Variants in PHRF1 observed in about 807,000 individuals in gnomAD.
The protein encoded by PHRF1 is PHD and ring finger domains 1, also known as PHD and RING finger domain-containing protein 1.
Under a neutral mutation model 128.9 loss-of-function variants are expected in PHRF1, and 53 were observed. That is an observed-to-expected ratio of 0.41 (90% CI 0.33 to 0.52). The LOEUF (loss-of-function observed/expected upper bound fraction) is 0.52. Ranked by LOEUF, PHRF1 falls within the 20% of genes least tolerant of loss-of-function variation. The pLI, the probability that PHRF1 is intolerant of heterozygous loss-of-function variation, is 0.21. For missense variants in PHRF1, 2,503 were observed against 2,284.5 expected, an observed-to-expected ratio of 1.10 and a Z score of -1.95; for synonymous variants, 1,178 against 980.6, an observed-to-expected ratio of 1.20 and a Z score of -3.76.
chr11:610,349 T>C lies in PHRF1; in HGVS notation c.4416+2T>C, dbSNP rs1207312726. On this transcript the variant is annotated splice_donor_variant, in intron 15 of 17. Coordinates refer to ENST00000264555, the MANE Select transcript of PHRF1 (RefSeq NM_001286581.2). LOFTEE classifies it high-confidence loss of function. ...TTCCCAGACACAGACCCCTCTCAGG[T>C]GGGTGTCTGGGCTGGAGGGCTGTGG... 1 of 1,558,464 alleles carries C rather than the reference T, an allele frequency of 6.4e-7. No individual in the cohort carries two copies. Among genetic ancestry groups the C allele is most frequent in the Non-Finnish European group, 8.7e-7 (1 of 1,151,098 alleles).
At chr11:587,919 C>T (rs538005508) in intron 4 of PHRF1, among the ~76,000 whole-genome samples, 3 of 152,284 alleles carry the variant, frequency 2.0e-5, no homozygotes, top group African/African-American at 4.8e-5. Context: ...ATAGAGTTTA[C>T]CGTAAACGTG....
At chr11:591,695 G>A (rs1007955211) in intron 5 of PHRF1, among the ~76,000 whole-genome samples, 1 of 152,122 alleles carries the variant, frequency 6.6e-6, no homozygotes, top group South Asian at 2.1e-4. Flanking sequence ...ATATCCCTTC[G>A]ACCCCACCCC....
chr11:610,827 C>T (rs905493961), intron 16 of PHRF1, 66 bp downstream of exon 16: 47 of 1,585,714 alleles, frequency 3.0e-5, no homozygotes, highest in Non-Finnish European at 3.9e-5. Flanking sequence ...GTTGTTGGGG[C>T]TGAGTTTATG....
At chr11:589,034 G>C in intron 4 of PHRF1, among the ~76,000 whole-genome samples, 1 of 151,956 alleles carries the variant, frequency 6.6e-6, no homozygotes, top group Non-Finnish European at 1.5e-5. Context: ...TACTCGGGAG[G>C]CTGAGGCAGG....
intron 5 of PHRF1, among the ~76,000 whole-genome samples, chr11:592,214 C>CTTTT (rs752462346): frequency 2.2e-5 from 3 of 138,652 alleles, no homozygotes. Flanking sequence ...CGTGCCCAGC[C>CTTTT]TTTTTTTTTT....
Position 597,661 on chromosome 11 carries a change from A to T in PHRF1, c.894+91A>T. On this transcript the variant is annotated intron_variant, in intron 8 of 17. Transcript: ENST00000264555. This position sits in a 1 kb window ranked among gnomAD's most constrained non-coding sequence, Gnocchi z 6.5. ...GGTGGGTGGGAGGGGCGTCGTCGGC[A>T]CTGTGGGGTCCGCCCGGCCCCGGTG... is the stretch of plus-strand genomic sequence containing the variant. 6.8e-7 allele frequency: 1 copy of T among 1,461,818 alleles called. No individual in the cohort carries two copies. The highest frequency in any genetic ancestry group is 1.3e-5 in the South Asian group (1 of 77,156). The allele number at this position is 1,461,818 out of a possible 1,614,324, so 90.6% of individuals were successfully genotyped here.
Position 601,587 on chromosome 11 carries a change from A to G in PHRF1, c.1038A>G (p.Lys346=). The G allele has an allele frequency of 6.2e-7, 1 of 1,613,804 alleles. No homozygotes were observed. Among genetic ancestry groups the G allele is most frequent in the South Asian group, 1.1e-5 (1 of 91,082 alleles). Residue 346 remains lysine, a synonymous_variant, in exon 10 of 18, where the codon AAA becomes AAG. Transcript: ENST00000264555. ...TCTTTTCCTTAGGAAGACGGAAGAA[A>G]GTGCCGGGAAGAAAGAAAACCCCGT... ...RRKRKTRRRK[K]VPGRKKTPSG... is the part of the protein sequence containing the mutation.
intron 9 of PHRF1, 147 bp downstream of exon 9, chr11:598,649 C>T (rs753229795): frequency 6.6e-5 from 85 of 1,291,694 alleles, no homozygotes; most frequent in Non-Finnish European, 6.4e-5. Flanking sequence ...ACACAGAAGC[C>T]GCGCCGGGCC....
At chr11:583,360 C>T (rs930401415) in intron 3 of PHRF1, among the ~76,000 whole-genome samples, 7 of 151,168 alleles carry the variant, frequency 4.6e-5, no homozygotes, top group African/African-American at 1.5e-4. Flanking sequence ...AAAAAAACCC[C>T]ACCAAAATTA....
At position 581,954 on chromosome 11, in the gene PHRF1, G is replaced by A; in HGVS notation, c.95-8G>A. The A allele has an allele frequency of 6.3e-7, 1 of 1,586,962 alleles. No individual in the cohort carries two copies. The highest frequency in any genetic ancestry group is 8.6e-7 in the Non-Finnish European group (1 of 1,167,522). ...GCCCTGCGGCCTGTGTCTCACCCTG[G>A]TGTCTAGAAGAAAGCAGCGTGGGCA... On this transcript the variant is annotated splice_region_variant and splice_polypyrimidine_tract_variant and intron_variant, in intron 2 of 17. Transcript: ENST00000264555.
chr11:591,745 G>C (rs933651547), intron 5 of PHRF1, among the ~76,000 whole-genome samples: 3 of 152,110 alleles, frequency 2.0e-5, no homozygotes, highest in Non-Finnish European at 4.4e-5. Context: ...TGGCCCGTCT[G>C]CTCGGAGCTC....
At chr11:598,258 G>A in intron 8 of PHRF1, 115 bp from the exon 9 acceptor site, 1 of 1,362,952 alleles carries the variant, frequency 7.3e-7, no homozygotes, top group Non-Finnish European at 9.6e-7. Context: ...GGGTGGGGAG[G>A]CTGTCCTGCT....
chr11:603,332 T>C (rs1855751129), intron 10 of PHRF1, among the ~76,000 whole-genome samples: 1 of 152,112 alleles, frequency 6.6e-6, no homozygotes, highest in Non-Finnish European at 1.5e-5. Flanking sequence ...TGTTTGTTTG[T>C]TTGTTTTAGG....
chr11:578,847 G>T (rs917313918), intron 1 of PHRF1, among the ~76,000 whole-genome samples: 1 of 152,052 alleles, frequency 6.6e-6, no homozygotes, highest in East Asian at 1.9e-4. Context: ...CACCACGCCC[G>T]GCTGATTCAC....
intron 13 of PHRF1, 146 bp downstream of exon 13, chr11:606,742 C>G: frequency 8.2e-7 from 1 of 1,223,560 alleles, no homozygotes. Context: ...CATTGATTTC[C>G]CTTCTTGAGC....
chr11:587,580 C>T, intron 4 of PHRF1, 116 bp downstream of exon 4: 4 of 1,039,662 alleles, frequency 3.8e-6, no homozygotes, highest in Non-Finnish European at 5.7e-6. Context: ...TGCGGCTGAC[C>T]CTGGGGCCAC....
intron 3 of PHRF1, among the ~76,000 whole-genome samples, chr11:585,582 T>TCAACTC (rs1564841179): frequency 7.8e-6 from 1 of 127,556 alleles, no homozygotes; most frequent in Non-Finnish European, 1.6e-5. Context: ...TAGTAGCCCT[T>TCAACTC]TCCAGCTTGA....
At chr11:600,512 A>ATATATG (rs1855568801) in intron 9 of PHRF1, among the ~76,000 whole-genome samples, 16 of 144,514 alleles carry the variant, frequency 1.1e-4, no homozygotes, top group African/African-American at 4.2e-4. Flanking sequence ...ATATATATAT[A>ATATATG]TATATATGGT....
At position 586,186 on chromosome 11, in the gene PHRF1, G is replaced by T. The variant is rs532279067; in HGVS notation, c.215-1073G>T. Among the ~76,000 whole-genome samples the T allele has an allele frequency of 2.8e-4, 43 of 151,984 alleles. No homozygotes were observed. The South Asian group carries it at 8.5e-3, about 30-fold the overall frequency. On this transcript the variant is annotated intron_variant, in intron 3 of 17. Coordinates refer to ENST00000264555, the MANE Select transcript of PHRF1 (RefSeq NM_001286581.2). ...ATTTTTTGTACTTTTAGTAGAGACG[G>T]GGTTTCACTGTTAGCCAGGATGGTC...
Sources: allele counts gnomAD v4.1 joint callset (sites outside exome capture counted in the v4.1 genomes callset), GRCh38; gene constraint gnomAD v4.1.1; non-coding constraint Gnocchi (gnomAD v3.1); transcripts MANE v1.5; gene names NCBI Gene and HGNC (gene_info 2026-07-23, HGNC 2026-07-21).